Variants in ITK observed in about 807,000 individuals in gnomAD.
ITK encodes the protein tyrosine-protein kinase ITK/TSK.
In ITK, 45 loss-of-function variants were observed where a neutral mutation model predicts 87.6. The observed-to-expected ratio is 0.51, with a 90% confidence interval of 0.40 to 0.66. ITK has a LOEUF of 0.66. Among genes scored for constraint, ITK ranks in the 30% least tolerant of loss-of-function variants. ITK has a pLI of 0.00. For missense variants in ITK, 605 were observed against 766.3 expected, an observed-to-expected ratio of 0.79 and a Z score of 2.48; for synonymous variants, 303 against 273.6, an observed-to-expected ratio of 1.11 and a Z score of -1.06.
At chr5:157,184,494 C>T (rs1008076550) in intron 1 of ITK, among the ~76,000 whole-genome samples, 3 of 152,138 alleles carry the variant, frequency 2.0e-5, no homozygotes, top group Non-Finnish European at 4.4e-5. Flanking sequence ...TGACTGATAT[C>T]GGATCCTTTT....
At chr5:157,239,448 C>T (rs917597335) in intron 9 of ITK, among the ~76,000 whole-genome samples, 2 of 152,198 alleles carry the variant, frequency 1.3e-5, no homozygotes, top group Admixed American at 6.5e-5. Context: ...TTTCCACAGA[C>T]AGCCCCTGCC....
At chr5:157,244,766 T>C in intron 13 of ITK, 1 of 407,876 alleles carries the variant, frequency 2.5e-6, no homozygotes, top group East Asian at 5.2e-5. Flanking sequence ...TGACTCAATT[T>C]CCTCCTGGTA....
chr5:157,191,135 A>AT (rs1172844887), intron 1 of ITK, among the ~76,000 whole-genome samples: 6 of 148,660 alleles, frequency 4.0e-5, no homozygotes, highest in Admixed American at 2.7e-4. Flanking sequence ...TTATTTATTT[A>AT]TTTATTTTAT....
In ITK at chr5:157,244,335, G is replaced by T; in HGVS notation, c.1306G>T (p.Glu436Ter). 1 of 1,614,160 alleles carries T rather than the reference G, an allele frequency of 6.2e-7. No homozygotes were observed. Among genetic ancestry groups the T allele is most frequent in the Non-Finnish European group, 8.5e-7 (1 of 1,180,020 alleles). ...GCAGGCCCCCATCTGCCTGGTGTTT[G>T]AGTTCATGGAGCACGGCTGCCTGTC... ...LEQAPICLVF[E>*]FMEHGCLSDY... Residue 436 changes from glutamate to a stop codon, truncating the protein, a stop_gained, in exon 13 of 17, where the codon GAG becomes TAG. Transcript: ENST00000422843. LOFTEE classifies it high-confidence loss of function.
intron 1 of ITK, among the ~76,000 whole-genome samples, chr5:157,196,416 A>G (rs927254643): frequency 6.6e-6 from 1 of 152,322 alleles, no homozygotes. Flanking sequence ...TTCTGTTGTT[A>G]TAGTGACATT....
intron 1 of ITK, among the ~76,000 whole-genome samples, chr5:157,208,492 G>A (rs1302261948): frequency 6.6e-6 from 1 of 152,132 alleles, no homozygotes; most frequent in East Asian, 1.9e-4. Context: ...AATCCAGGTC[G>A]GGTCCGAGCT....
chr5:157,213,708 G>A, intron 3 of ITK: 1 of 351,720 alleles, frequency 2.8e-6, no homozygotes, highest in Non-Finnish European at 5.5e-6. Flanking sequence ...GTATGTATTT[G>A]TTTCAGTAGC....
chr5:157,226,747 CAT>C (rs559620719), intron 6 of ITK, among the ~76,000 whole-genome samples: 1 of 152,086 alleles, frequency 6.6e-6, no homozygotes, highest in Non-Finnish European at 1.5e-5. Flanking sequence ...AAAATTAAAA[CAT>C]GTTATGGAAT....
chr5:157,206,825 A>G (rs1754087844), intron 1 of ITK, among the ~76,000 whole-genome samples: 1 of 151,980 alleles, frequency 6.6e-6, no homozygotes, highest in Admixed American at 6.6e-5. Flanking sequence ...TAATTTTTTC[A>G]AAAAACCAAC....
At chr5:157,197,629 AT>A (rs56387263) in intron 1 of ITK, among the ~76,000 whole-genome samples, 55,220 of 151,556 alleles carry the variant, frequency 0.36, 10,184 homozygotes, top group East Asian at 0.4. Flanking sequence ...CAAAAATGGG[AT>A]GATGCTCCAT....
chr5:157,244,594 A>C, intron 13 of ITK, 116 bp downstream of exon 13: 5 of 738,188 alleles, frequency 6.8e-6, no homozygotes, highest in Non-Finnish European at 4.8e-6. Context: ...TTCCTTTCTC[A>C]ACTTCTCCCT....
At chr5:157,244,156 C>A in intron 12 of ITK, 106 bp from the exon 13 acceptor site, 2 of 945,766 alleles carry the variant, frequency 2.1e-6, no homozygotes, top group Non-Finnish European at 3.4e-6. Flanking sequence ...TTCATCCAAA[C>A]CATAAATTAG....
chr5:157,184,560 A>C (rs975361098), intron 1 of ITK, among the ~76,000 whole-genome samples: 1 of 152,138 alleles, frequency 6.6e-6, no homozygotes, highest in Non-Finnish European at 1.5e-5. Context: ...ACAGGATGGA[A>C]GAGGCAGCCT....
chr5:157,235,966 A>C (rs1231026379), intron 8 of ITK, among the ~76,000 whole-genome samples: 1 of 152,236 alleles, frequency 6.6e-6, no homozygotes, highest in East Asian at 1.9e-4. Flanking sequence ...TTCTTGTCCT[A>C]GTATTGTATT....
chr5:157,245,671 T>C, intron 13 of ITK, 55 bp from the exon 14 acceptor site: 1 of 1,398,622 alleles, frequency 7.1e-7, no homozygotes, highest in Non-Finnish European at 1.0e-6. Flanking sequence ...CCTTAACTAC[T>C]GATGACTCAT....
Position 157,248,895 on chromosome 5 carries a change from A to G in ITK, c.1679A>G (p.Glu560Gly). 1.2e-6 allele frequency: 2 copies of G among 1,614,004 alleles called. No individual in the cohort carries two copies. The highest frequency in any genetic ancestry group is 8.5e-7 in the Non-Finnish European group (1 of 1,179,876). ...TTCAGTGAAGGCAAAATCCCGTATG[A>G]AAACCGAAGCAACTCAGAGGTGGTG... ...EVFSEGKIPY[E>G]NRSNSEVVED... Residue 560 changes from glutamate to glycine, a missense_variant, in exon 16 of 17, where the codon GAA becomes GGA. This residue lies in a region of ITK where 70 missense variants were observed against 122.5 expected (regional missense o/e 0.57). Coordinates refer to ENST00000422843, the MANE Select transcript of ITK (RefSeq NM_005546.4).
intron 1 of ITK, among the ~76,000 whole-genome samples, chr5:157,186,989 A>G (rs1753659024): frequency 6.6e-6 from 1 of 152,222 alleles, no homozygotes; most frequent in South Asian, 2.1e-4. Context: ...GGACACCAGC[A>G]GAATCTAACA....
At position 157,244,411 on chromosome 5, in the gene ITK, G is replaced by A; in HGVS notation, c.1382G>A (p.Gly461Asp). 2 of 1,614,026 alleles carry A rather than the reference G, an allele frequency of 1.2e-6. No homozygotes were observed. The highest frequency in any genetic ancestry group is 1.7e-5 in the Admixed American group (1 of 60,022). The change falls in exon 13 of 17, where the codon GGC (glycine) becomes GAC (aspartate). Residue 461 changes from glycine to aspartate, a missense_variant. This residue lies in a region of ITK where 464 missense variants were observed against 578.0 expected (regional missense o/e 0.80). Coordinates refer to ENST00000422843, the MANE Select transcript of ITK (RefSeq NM_005546.4). ...CTTTTTGCTGCAGAGACCCTGCTGGGCATGTGTCTGGATGTGTGTGAGGGC... is the reference window on the plus strand; with the variant it reads ...CTTTTTGCTGCAGAGACCCTGCTGGACATGTGTCTGGATGTGTGTGAGGGC... ...RGLFAAETLL[G>D]MCLDVCEGMA...
chr5:157,185,949 A>G (rs907832496), intron 1 of ITK, among the ~76,000 whole-genome samples: 1 of 152,206 alleles, frequency 6.6e-6, no homozygotes, highest in African/African-American at 2.4e-5. Flanking sequence ...TTTACTGAGC[A>G]CTTACTACAT....
Sources: allele counts gnomAD v4.1 joint callset (sites outside exome capture counted in the v4.1 genomes callset), GRCh38; gene constraint gnomAD v4.1.1; regional missense constraint gnomAD v4.1.1; transcripts MANE v1.5; gene names NCBI Gene and HGNC (gene_info 2026-07-23, HGNC 2026-07-21).